Variants in BABAM2 observed in about 807,000 individuals in gnomAD.
The protein encoded by BABAM2 is BRISC and BRCA1 A complex member 2.
Under a neutral mutation model 54.7 loss-of-function variants are expected in BABAM2, and 31 were observed. That is an observed-to-expected ratio of 0.57 (90% confidence interval 0.43 to 0.77). The LOEUF is 0.77. BABAM2 is among the 30% of genes least tolerant of loss of function. BABAM2 has a pLI of 0.00. For missense variants in BABAM2, 364 were observed against 455.8 expected (o/e 0.80, Z 1.83); for synonymous variants, 167 against 162.9 (o/e 1.03, Z -0.19).
At chr2:28,117,196 C>T (rs1216912832) in intron 6 of BABAM2, among the ~76,000 whole-genome samples, 1 of 152,196 alleles carries the variant, frequency 6.6e-6, no homozygotes, top group Non-Finnish European at 1.5e-5. Context: ...TTTCCTCTGG[C>T]AGGTAAGGAG....
intron 7 of BABAM2, chr2:28,233,278 AG>A: frequency 2.1e-6 from 1 of 471,222 alleles, no homozygotes; most frequent in Non-Finnish European, 4.4e-6. Flanking sequence ...TTAGTGGGTT[AG>A]TCAGGCCCTG....
At chr2:28,067,934 T>A (rs1053589351) in intron 6 of BABAM2, among the ~76,000 whole-genome samples, 34 of 152,292 alleles carry the variant, frequency 2.2e-4, no homozygotes, top group Admixed American at 7.8e-4. Flanking sequence ...TTTCCTTTTT[T>A]AAAAAAATTT....
chr2:28,203,398 G>A (rs1478760408), intron 7 of BABAM2, among the ~76,000 whole-genome samples: 2 of 152,146 alleles, frequency 1.3e-5, no homozygotes, highest in Non-Finnish European at 2.9e-5. Flanking sequence ...AATAATTCCT[G>A]CAAATGGTTT....
chr2:28,061,059 A>G (rs1380744004), intron 6 of BABAM2, among the ~76,000 whole-genome samples: 1 of 152,238 alleles, frequency 6.6e-6, no homozygotes, highest in African/African-American at 2.4e-5. Flanking sequence ...GAGGACTCAC[A>G]TTCCCTGATT....
At position 28,327,297 on chromosome 2, in the gene BABAM2, C is replaced by G. The variant is rs1039307061; in HGVS notation, c.1089-11153C>G. The G allele has an allele frequency of 3.1e-6, 5 of 1,609,858 alleles. No individual in the cohort carries two copies. In the South Asian group the frequency reaches 5.5e-5, roughly 18 times the overall value. On this transcript the variant is annotated intron_variant, in intron 11 of 11. Transcript: ENST00000379624. ...AGGGGATGCCAAGGGAGCAGAGATG[C>G]CTGCAGCCCGTGGGAGCAAGTCCTG...
chr2:27,969,791 C>G (rs866904315), intron 3 of BABAM2, among the ~76,000 whole-genome samples: 9 of 152,158 alleles, frequency 5.9e-5, no homozygotes, highest in Admixed American at 5.2e-4. Flanking sequence ...TGGCTGGCAT[C>G]TAGTGGGTAG....
intron 6 of BABAM2, among the ~76,000 whole-genome samples, chr2:28,122,693 CT>C (rs1669181442): frequency 6.6e-6 from 1 of 152,156 alleles, no homozygotes; most frequent in African/African-American, 2.4e-5. Flanking sequence ...TTAATGACTG[CT>C]ATCTTTACTT....
intron 4 of BABAM2, among the ~76,000 whole-genome samples, chr2:28,014,523 A>G (rs145307655): frequency 7.8e-4 from 119 of 152,168 alleles, no homozygotes; most frequent in African/African-American, 2.7e-3. Context: ...ACTAGCCCAA[A>G]TTAATCCCAG....
At chr2:28,264,358 A>G (rs1395402872) in intron 10 of BABAM2, among the ~76,000 whole-genome samples, 1 of 152,208 alleles carries the variant, frequency 6.6e-6, no homozygotes, top group African/African-American at 2.4e-5. Flanking sequence ...AAAGAAAAAA[A>G]ACTCTTTGGC....
At chr2:28,310,240 T>C in intron 11 of BABAM2, 1 of 1,329,968 alleles carries the variant, frequency 7.5e-7, no homozygotes, top group South Asian at 1.2e-5. Context: ...CATCAATTAC[T>C]GCCAATACAG....
chr2:28,142,318 G>C (rs1671136564), intron 7 of BABAM2, among the ~76,000 whole-genome samples: 1 of 152,086 alleles, frequency 6.6e-6, no homozygotes, highest in African/African-American at 2.4e-5. Context: ...ATTGCAAATA[G>C]GACCATAACA....
intron 11 of BABAM2, among the ~76,000 whole-genome samples, chr2:28,318,425 G>A (rs1689750281): frequency 6.6e-6 from 1 of 152,196 alleles, no homozygotes; most frequent in South Asian, 2.1e-4. Context: ...TATGGTCTTG[G>A]AAGCTGCAAA....
chr2:27,908,493 G>C (rs896640862), intron 2 of BABAM2, among the ~76,000 whole-genome samples: 8 of 151,904 alleles, frequency 5.3e-5, no homozygotes. Flanking sequence ...GGCTGGTCTC[G>C]AACTCTTGGA....
At chr2:28,022,417 T>G (rs1299874496) in intron 4 of BABAM2, among the ~76,000 whole-genome samples, 2 of 152,212 alleles carry the variant, frequency 1.3e-5, no homozygotes, top group African/African-American at 4.8e-5. Context: ...AGTTAACTAG[T>G]CTTTAAAAAG....
At chr2:28,135,797 G>A (rs1045568106) in intron 7 of BABAM2, among the ~76,000 whole-genome samples, 4 of 152,156 alleles carry the variant, frequency 2.6e-5, no homozygotes, top group Admixed American at 2.6e-4. Flanking sequence ...TCTCCACAAT[G>A]TCTCTGAGTC....
At chr2:28,225,945 G>A (rs1342150188) in intron 7 of BABAM2, among the ~76,000 whole-genome samples, 1 of 152,002 alleles carries the variant, frequency 6.6e-6, no homozygotes, top group African/African-American at 2.4e-5. Context: ...CTGTAGAACT[G>A]TCAAATATTT....
intron 6 of BABAM2, among the ~76,000 whole-genome samples, chr2:28,064,487 C>G (rs1336793556): frequency 1.3e-5 from 2 of 152,168 alleles, no homozygotes; most frequent in Non-Finnish European, 2.9e-5. Context: ...TCAGTGTTTT[C>G]TAGTTATCGT....
chr2:28,187,556 A>G (rs1676447373), intron 7 of BABAM2, among the ~76,000 whole-genome samples: 1 of 152,152 alleles, frequency 6.6e-6, no homozygotes, highest in Non-Finnish European at 1.5e-5. Flanking sequence ...TATCTATCTG[A>G]AATCTTAAAA....
intron 6 of BABAM2, among the ~76,000 whole-genome samples, chr2:28,102,993 C>T (rs561131793): frequency 6.6e-6 from 1 of 151,990 alleles, no homozygotes; most frequent in African/African-American, 2.4e-5. Context: ...CTATAAACGG[C>T]CTATAGTTTT....
Sources: allele counts gnomAD v4.1 joint callset (sites outside exome capture counted in the v4.1 genomes callset), GRCh38; gene constraint gnomAD v4.1.1; transcripts MANE v1.5; gene names NCBI Gene and HGNC (gene_info 2026-07-23, HGNC 2026-07-21).